Variants in NWD2 observed in about 807,000 individuals in gnomAD.
The protein encoded by NWD2 is NACHT and WD repeat domain-containing protein 2.
A neutral mutation model predicts 132.7 loss-of-function variants in NWD2; 37 were observed. That is an observed-to-expected ratio of 0.28 (90% confidence interval 0.21 to 0.37). NWD2 has a LOEUF of 0.37. NWD2 is among the 10% of genes least tolerant of loss of function. The probability of loss-of-function intolerance (pLI) is 1.00; values close to 1 mark genes in which losing one functional copy is unlikely to be tolerated. For synonymous variants in NWD2, 705 were observed against 803.0 expected (o/e 0.88, Z 2.06); for missense variants, 1,592 against 2,122.4 (o/e 0.75, Z 4.91).
Position 37,448,933 on chromosome 4 carries a change from C to T in NWD2, c.*1716C>T, listed in dbSNP as rs759149996. ...CTTGGAAAGCAGTTTAACATGTAAG[C>T]GTTCAAAGATGTGATTCAGATAAAA... On this transcript the variant is annotated 3_prime_UTR_variant, in exon 7 of 7. Coordinates refer to ENST00000309447, the MANE Select transcript of NWD2 (RefSeq NM_001144990.2). 4.6e-5 allele frequency: 7 copies of T among 152,130 alleles called. No homozygotes were observed. The highest frequency in any genetic ancestry group is 7.2e-5 in the African/African-American group (3 of 41,426). The allele number at this position is 152,130 out of a possible 1,614,324, so 9.4% of individuals were successfully genotyped here.
At chr4:37,295,407 A>C (rs979700361) in intron 1 of NWD2, among the ~76,000 whole-genome samples, 1 of 152,158 alleles carries the variant, frequency 6.6e-6, no homozygotes, top group Admixed American at 6.5e-5. Context: ...ACTTTTCTTC[A>C]TTTGTAGTTG....
At chr4:37,352,389 A>G (rs1421587795) in intron 2 of NWD2, among the ~76,000 whole-genome samples, 2 of 150,244 alleles carry the variant, frequency 1.3e-5, no homozygotes, top group African/African-American at 4.9e-5. Flanking sequence ...CCCCTGGTCC[A>G]GAGCTGAGTT....
At chr4:37,386,861 C>T (rs1473069382) in intron 3 of NWD2, among the ~76,000 whole-genome samples, 2 of 149,450 alleles carry the variant, frequency 1.3e-5, no homozygotes, top group Non-Finnish European at 2.9e-5. Context: ...TCCCTCCTCT[C>T]TCTCGGTCCC....
chr4:37,409,680 G>T (rs937789639), intron 3 of NWD2, among the ~76,000 whole-genome samples: 1 of 152,060 alleles, frequency 6.6e-6, no homozygotes, highest in Non-Finnish European at 1.5e-5. Flanking sequence ...TCCTCGAGAA[G>T]AGCAACCCCA....
intron 1 of NWD2, among the ~76,000 whole-genome samples, chr4:37,299,739 A>G (rs187730045): frequency 2.0e-5 from 3 of 152,260 alleles, no homozygotes; most frequent in East Asian, 1.9e-4. Context: ...TCCCCTCTCA[A>G]TGAAAGGACA....
intron 3 of NWD2, among the ~76,000 whole-genome samples, chr4:37,384,498 A>G (rs1720520331): frequency 6.6e-6 from 1 of 152,216 alleles, no homozygotes; most frequent in Non-Finnish European, 1.5e-5. Flanking sequence ...CAAGCCACAT[A>G]ATGACAAAAA....
chr4:37,399,942 A>G (rs1392549943), intron 3 of NWD2, among the ~76,000 whole-genome samples: 2 of 152,222 alleles, frequency 1.3e-5, no homozygotes, highest in African/African-American at 4.8e-5. Context: ...AGGTTCGAGT[A>G]TCACTAGACC....
rs1180951308 is a variant in NWD2 at position 37,245,153 on chromosome 4, C to T, written c.86C>T (p.Ala29Val). Residue 29 changes from alanine to valine, a missense_variant, in exon 1 of 7, where the codon GCC (alanine) becomes GTC (valine). Around this residue, in one of 7 missense-constraint regions of NWD2, gnomAD observed 88 missense variants for 92.8 expected, o/e 0.95. Transcript: ENST00000309447. ...GCGGCTTTCTCTGGGAACCTCACGG[C>T]CCTGCCCTCTCACCTCGTGCCCGCC... ...RRAAFSGNLT[A>V]LPSHLVPAGR... is the part of the protein sequence containing the mutation. 1.3e-6 allele frequency: 2 copies of T among 1,547,436 alleles called. No individual in the cohort carries two copies. Among genetic ancestry groups the T allele is most frequent in the South Asian group, 1.2e-5 (1 of 83,994 alleles).
At chr4:37,438,619 C>G (rs1441054276) in intron 5 of NWD2, among the ~76,000 whole-genome samples, 182 bp from the exon 6 acceptor site, 2 of 152,148 alleles carry the variant, frequency 1.3e-5, no homozygotes, top group African/African-American at 4.8e-5. Flanking sequence ...AACCTGTTCT[C>G]CCGGGTTGCT....
At chr4:37,318,562 C>T (rs1329953960) in intron 1 of NWD2, among the ~76,000 whole-genome samples, 1 of 152,092 alleles carries the variant, frequency 6.6e-6, no homozygotes, top group Non-Finnish European at 1.5e-5. Context: ...CAGTGCCCAA[C>T]AGTTAGTTTT....
intron 3 of NWD2, among the ~76,000 whole-genome samples, chr4:37,396,810 A>T (rs960322746): frequency 6.6e-6 from 1 of 152,136 alleles, no homozygotes; most frequent in South Asian, 2.1e-4. Flanking sequence ...AGGCGGGTGG[A>T]TCAACTGAGG....
At chr4:37,414,587 T>C (rs1721226843) in intron 3 of NWD2, among the ~76,000 whole-genome samples, 1 of 152,188 alleles carries the variant, frequency 6.6e-6, no homozygotes, top group African/African-American at 2.4e-5. Context: ...TTCAGACTTA[T>C]TTAATGTACA....
chr4:37,312,237 G>A (rs1477960631), intron 1 of NWD2, among the ~76,000 whole-genome samples: 24 of 151,478 alleles, frequency 1.6e-4, no homozygotes, highest in South Asian at 4.2e-4. Context: ...CCATTTTCAC[G>A]ATATTGATTC....
chr4:37,319,261 T>C (rs1344580711), intron 1 of NWD2, among the ~76,000 whole-genome samples: 2 of 152,260 alleles, frequency 1.3e-5, no homozygotes, highest in East Asian at 3.9e-4. Flanking sequence ...GTTTGGCCAT[T>C]TGTGTGTCTT....
At chr4:37,344,605 C>T (rs536343913) in intron 2 of NWD2, among the ~76,000 whole-genome samples, 1 of 152,132 alleles carries the variant, frequency 6.6e-6, no homozygotes, top group South Asian at 2.1e-4. Flanking sequence ...ATAATGAAAG[C>T]GCTGTTACGA....
intron 3 of NWD2, among the ~76,000 whole-genome samples, chr4:37,380,023 C>G (rs956138190): frequency 6.6e-5 from 10 of 152,252 alleles, no homozygotes; most frequent in African/African-American, 2.4e-4. Context: ...GTTCTATGTT[C>G]ATCTCTAAAA....
chr4:37,397,788 CCTCTCT>C (rs113226816), intron 3 of NWD2, among the ~76,000 whole-genome samples: 9 of 148,782 alleles, frequency 6.0e-5, no homozygotes, highest in East Asian at 2.0e-4. Flanking sequence ...CTGGGAACAG[CCTCTCT>C]CTCTCTCTCT....
In NWD2 at chr4:37,384,831, A is replaced by C. The variant is rs544579847; in HGVS notation, c.357+28349A>C. 6.9e-4 allele frequency among the ~76,000 whole-genome samples: 105 copies of C among 152,306 alleles called. No individual in the cohort carries two copies. In the South Asian group the frequency reaches 0.02, roughly 29 times the overall value. On this transcript the variant is annotated intron_variant, in intron 3 of 6. Transcript: ENST00000309447. The stretch of plus-strand genomic sequence containing the variant: ...TACATACCAATATCTTCTTGCCTGC[A>C]TAAAAATAGCCATTCATCTGTGGAC...
intron 3 of NWD2, among the ~76,000 whole-genome samples, chr4:37,404,356 G>T (rs1720954342): frequency 6.6e-6 from 1 of 152,110 alleles, no homozygotes; most frequent in Non-Finnish European, 1.5e-5. Flanking sequence ...TAATAACTAT[G>T]AGCATTTGCC....
Sources: allele counts gnomAD v4.1 joint callset (sites outside exome capture counted in the v4.1 genomes callset), GRCh38; gene constraint gnomAD v4.1.1; regional missense constraint gnomAD v4.1.1; transcripts MANE v1.5; gene names NCBI Gene and HGNC (gene_info 2026-07-23, HGNC 2026-07-21).